Variants in GABRB1 observed in about 807,000 individuals in gnomAD.
The protein encoded by GABRB1 is gamma-aminobutyric acid receptor subunit beta-1.
A neutral mutation model predicts 51.6 loss-of-function variants in GABRB1; 17 were observed. The observed-to-expected ratio is 0.33, with a 90% CI of 0.23 to 0.49. The LOEUF is 0.49. GABRB1 is among the 20% of genes least tolerant of loss of function. The pLI, the probability that GABRB1 is intolerant of heterozygous loss-of-function variation, is 0.99. For missense variants in GABRB1, 410 were observed against 600.6 expected (o/e 0.68, Z 3.32); for synonymous variants, 247 against 218.9 (o/e 1.13, Z -1.14).
At chr4:47,423,006 G>T (rs1729138318) in intron 8 of GABRB1, among the ~76,000 whole-genome samples, 1 of 151,802 alleles carries the variant, frequency 6.6e-6, no homozygotes, top group Admixed American at 6.6e-5. Flanking sequence ...CATTGTCCTA[G>T]TCCAGGCCCT....
chr4:47,304,382 G>A (rs535385083), intron 4 of GABRB1, among the ~76,000 whole-genome samples: 2 of 152,072 alleles, frequency 1.3e-5, no homozygotes, highest in South Asian at 2.1e-4. Flanking sequence ...CTAATGATTA[G>A]TGATATTGAA....
intron 1 of GABRB1, among the ~76,000 whole-genome samples, chr4:47,024,100 A>G (rs1288736335): frequency 1.3e-5 from 2 of 151,984 alleles, no homozygotes; most frequent in Non-Finnish European, 2.9e-5. Context: ...TTTCAATTTC[A>G]TAAATCTTAG....
chr4:47,315,916 G>A (rs934392168), intron 4 of GABRB1, among the ~76,000 whole-genome samples: 4 of 151,658 alleles, frequency 2.6e-5, no homozygotes, highest in South Asian at 2.1e-4. Flanking sequence ...GGTGAGGATC[G>A]AAAAACTACC....
intron 3 of GABRB1, among the ~76,000 whole-genome samples, chr4:47,137,396 G>A (rs1200553382): frequency 2.0e-5 from 3 of 151,956 alleles, no homozygotes; most frequent in South Asian, 2.1e-4. Context: ...AGAACAGACA[G>A]GTGATAAAAT....
chr4:47,201,756 A>T (rs1344308740), intron 4 of GABRB1, among the ~76,000 whole-genome samples: 1 of 152,182 alleles, frequency 6.6e-6, no homozygotes, highest in Non-Finnish European at 1.5e-5. Context: ...GTCTAGATAT[A>T]ACCCTATTTA....
intron 4 of GABRB1, among the ~76,000 whole-genome samples, chr4:47,248,633 C>A (rs947500876): frequency 6.6e-6 from 1 of 151,876 alleles, no homozygotes; most frequent in Non-Finnish European, 1.5e-5. Context: ...TCCATCTGGT[C>A]CTAGACTTTT....
intron 5 of GABRB1, 39 bp from the exon 6 acceptor site, chr4:47,403,279 C>T (rs1728460599): frequency 6.2e-7 from 1 of 1,605,954 alleles, no homozygotes; most frequent in Non-Finnish European, 8.5e-7. Flanking sequence ...AAATGATTTC[C>T]TAAACTTTGT....
chr4:47,046,352 A>G (rs1726086424), intron 3 of GABRB1, among the ~76,000 whole-genome samples: 1 of 152,182 alleles, frequency 6.6e-6, no homozygotes, highest in Admixed American at 6.6e-5. Flanking sequence ...TAATCAAACA[A>G]ACAAAAATAT....
chr4:47,385,357 A>G (rs761796363), intron 5 of GABRB1, among the ~76,000 whole-genome samples: 28 of 152,336 alleles, frequency 1.8e-4, no homozygotes, highest in Admixed American at 4.6e-4. Context: ...AGTGGAAATT[A>G]AGAACAAGAG....
chr4:47,400,934 T>G (rs1728358588), intron 5 of GABRB1, among the ~76,000 whole-genome samples: 1 of 144,364 alleles, frequency 6.9e-6, no homozygotes, highest in African/African-American at 2.6e-5. Context: ...TTTTTTTTTT[T>G]TTTTTTTTTT....
intron 4 of GABRB1, among the ~76,000 whole-genome samples, chr4:47,288,564 G>C (rs1394559334): frequency 6.6e-6 from 1 of 151,916 alleles, no homozygotes; most frequent in African/African-American, 2.4e-5. Flanking sequence ...GCCCAGCCAG[G>C]GCTTCTATCT....
chr4:47,040,116 C>A (rs965105435), intron 3 of GABRB1, among the ~76,000 whole-genome samples: 8 of 152,106 alleles, frequency 5.3e-5, no homozygotes, highest in Admixed American at 3.9e-4. Context: ...CCTCCACTTT[C>A]ATTTTAAAAA....
intron 5 of GABRB1, among the ~76,000 whole-genome samples, chr4:47,350,375 A>G (rs1000125976): frequency 4.0e-5 from 6 of 151,152 alleles, no homozygotes; most frequent in African/African-American, 1.5e-4. Flanking sequence ...TTAATTTATC[A>G]TAAAGCTAGC....
intron 3 of GABRB1, among the ~76,000 whole-genome samples, chr4:47,036,298 C>G (rs770151436): frequency 1.3e-5 from 2 of 152,164 alleles, no homozygotes; most frequent in Non-Finnish European, 2.9e-5. Context: ...CTGGTACATA[C>G]TTCAATTATA....
chr4:47,162,442 A>T (rs1400795844), intron 4 of GABRB1, among the ~76,000 whole-genome samples: 3 of 151,192 alleles, frequency 2.0e-5, no homozygotes, highest in East Asian at 3.9e-4. Flanking sequence ...TGATTGGTTT[A>T]AAAAAAAAGA....
At chr4:47,018,519 G>A (rs1298098596) in intron 1 of GABRB1, among the ~76,000 whole-genome samples, 2 of 152,046 alleles carry the variant, frequency 1.3e-5, no homozygotes, top group African/African-American at 4.8e-5. Context: ...GAAGTTAGGG[G>A]CCCTCACCCC....
At chr4:47,143,813 TTTGCTCCTTTAACCCACCATGA>T (rs1490101289) in intron 3 of GABRB1, among the ~76,000 whole-genome samples, 2 of 151,890 alleles carry the variant, frequency 1.3e-5, no homozygotes, top group Non-Finnish European at 2.9e-5. Context: ...AGGCCTCCTT[TTTGCTCCTTTAACCCACCATGA>T]TTGCTCCTTT....
chr4:47,029,156 C>T (rs1725200561), upstream of GABRB1, among the ~76,000 whole-genome samples: 1 of 151,792 alleles, frequency 6.6e-6, no homozygotes, highest in Non-Finnish European at 1.5e-5. Context: ...CATAAATATT[C>T]TTAGACTGCA....
At chr4:47,060,625 G>GTTT (rs1398425722) in intron 3 of GABRB1, among the ~76,000 whole-genome samples, 2 of 152,066 alleles carry the variant, frequency 1.3e-5, no homozygotes, top group Non-Finnish European at 2.9e-5. Context: ...ATCCAACAGG[G>GTTT]TCTCTCCTGC....
Sources: allele counts gnomAD v4.1 joint callset (sites outside exome capture counted in the v4.1 genomes callset), GRCh38; gene constraint gnomAD v4.1.1; transcripts MANE v1.5; gene names NCBI Gene and HGNC (gene_info 2026-07-23, HGNC 2026-07-21).